TET2: variants seen among roughly 807,000 people sequenced by gnomAD.
TET2 encodes the protein tet methylcytosine dioxygenase 2.
TET2 carries 299 observed loss-of-function variants against 142.9 expected under a neutral mutation model. The ratio of observed to expected loss-of-function variants is 2.09; its 90% CI spans 1.90 to 2.30. The LOEUF is 2.30. Among genes scored for constraint, TET2 ranks in the 30% most tolerant of loss-of-function variants. TET2 has a pLI of 0.00. For missense variants in TET2, 2,418 were observed against 2,378.0 expected (o/e 1.02, Z -0.35); for synonymous variants, 819 against 849.0 (o/e 0.96, Z 0.61).
At chr4:105,191,385 GT>G (rs1322329275) in intron 2 of TET2, among the ~76,000 whole-genome samples, 1 of 152,130 alleles carries the variant, frequency 6.6e-6, no homozygotes, top group African/African-American at 2.4e-5. Context: ...TGTCTAAAAT[GT>G]TTAAGATGAA....
In TET2 at chr4:105,278,203, T is replaced by TATATATATATATATATATA. The variant is rs1553918861; in HGVS notation, c.*1684_*1685insATATATATATATATATATA. ...ATATATATATATATATATATATATA[T>TATATATATATATATATATA]GAGTTTGAAGCAGAATTCACATCAT... On this transcript the variant is annotated 3_prime_UTR_variant, in exon 11 of 11. Transcript: ENST00000380013. 70 of 159,022 alleles carry TATATATATATATATATATA rather than the reference T, an allele frequency of 4.4e-4. 1 individual carries two copies. Among genetic ancestry groups the TATATATATATATATATATA allele is most frequent in the African/African-American group, 1.2e-3 (45 of 37,158 alleles). The allele number at this position is 159,022 out of a possible 1,614,324, so 9.9% of individuals were successfully genotyped here.
At position 105,202,475 on chromosome 4, in the gene TET2, T is replaced by C. The variant is rs1726543038; in HGVS notation, c.-47+11970T>C. 5 of 152,158 alleles carry C rather than the reference T, an allele frequency of 3.3e-5. No homozygotes were observed. The South Asian group carries it at 1.0e-3, about 31-fold the overall frequency. 9.4% of individuals were successfully genotyped at this position (152,158 alleles called of 1,614,324 possible). A position where few individuals can be genotyped will look rare whatever the true frequency, so the allele number is the denominator to read the frequency against. On this transcript the variant is annotated intron_variant, in intron 2 of 10. Coordinates refer to ENST00000380013, the MANE Select transcript of TET2 (RefSeq NM_001127208.3). ...CGCTTCCCACTACTACATACTACCC[T>C]AAAAAATCTGTAATTCGCAAATTTA...
At chr4:105,159,461 G>C (rs978373214) in intron 1 of TET2, among the ~76,000 whole-genome samples, 1 of 151,928 alleles carries the variant, frequency 6.6e-6, no homozygotes, top group African/African-American at 2.4e-5. Context: ...CTCCATGTTG[G>C]TCAGCCTGGT....
At chr4:105,270,199 T>C (rs1730884522) in intron 9 of TET2, among the ~76,000 whole-genome samples, 1 of 152,196 alleles carries the variant, frequency 6.6e-6, no homozygotes, top group African/African-American at 2.4e-5. Context: ...AGTAATATGT[T>C]GTCTGCAGGT....
Position 105,235,542 on chromosome 4 carries a change from A to T in TET2, c.1600A>T (p.Arg534Ter), listed in dbSNP as rs1560543693. 3 of 1,614,178 alleles carry T rather than the reference A, an allele frequency of 1.9e-6. No individual in the cohort carries two copies. Among genetic ancestry groups the T allele is most frequent in the Non-Finnish European group, 2.5e-6 (3 of 1,180,016 alleles). The change falls in exon 3 of 11, where the codon AGA becomes TGA. Residue 534 changes from arginine to a stop codon, truncating the protein, a stop_gained. Transcript: ENST00000380013. LOFTEE classifies it high-confidence loss of function. The part of the protein sequence containing the change: ...ELQDNCQQLM[R>*]NKEQEILKGR... ...ACAGGACAACTGCCAGCAGTTGATGAGAAACAAAGAGCAAGAGATTCTGAA... is the reference window on the plus strand; with the variant it reads ...ACAGGACAACTGCCAGCAGTTGATGTGAAACAAAGAGCAAGAGATTCTGAA...
Position 105,277,458 on chromosome 4 carries a change from A to C in TET2, c.*939A>C, listed in dbSNP as rs543316109. 4.4e-6 allele frequency: 1 copy of C among 226,142 alleles called. No homozygotes were observed. Among genetic ancestry groups the C allele is most frequent in the African/African-American group, 2.2e-5 (1 of 45,106 alleles). 14.0% of individuals were successfully genotyped at this position (226,142 alleles called of 1,614,324 possible). On this transcript the variant is annotated 3_prime_UTR_variant, in exon 11 of 11. Coordinates refer to ENST00000380013, the MANE Select transcript of TET2 (RefSeq NM_001127208.3). ...AAGCTTTGACAACTTGAACAATGCT[A>C]AGGTACTGAGATGTTTAAAAAACAA...
Position 105,235,174 on chromosome 4 carries a change from C to T in TET2, c.1232C>T (p.Pro411Leu). Residue 411 changes from proline to leucine, a missense_variant, in exon 3 of 11, where the codon CCT (proline) becomes CTT (leucine). By Grantham distance (98) the Pro-to-Leu change is moderately conservative. Coordinates refer to ENST00000380013, the MANE Select transcript of TET2 (RefSeq NM_001127208.3). ...PSQLLLSPPPPLPQVPQLPSE... is the reference protein window; with the variant it reads ...PSQLLLSPPPLLPQVPQLPSE... ...CAATTGCTTCTTTCTCCCCCTCCTC[C>T]TCTTCCACAGGTTCCTCAGCTTCCT... 1.9e-6 allele frequency: 3 copies of T among 1,614,056 alleles called. No homozygotes were observed. The highest frequency in any genetic ancestry group is 2.5e-6 in the Non-Finnish European group (3 of 1,179,968).
intron 2 of TET2, among the ~76,000 whole-genome samples, chr4:105,225,697 T>G (rs1446748085): frequency 6.6e-6 from 1 of 152,154 alleles, no homozygotes; most frequent in Non-Finnish European, 1.5e-5. Flanking sequence ...GATGTTTGCA[T>G]CTTTGTGTTA....
At chr4:105,239,153 G>A (rs1729144378) in intron 3 of TET2, 1 of 226,656 alleles carries the variant, frequency 4.4e-6, no homozygotes, top group African/African-American at 2.3e-5. Flanking sequence ...AAAAAGATGT[G>A]TTATCATCCA....
At chr4:105,265,094 A>G (rs966572459) in intron 8 of TET2, among the ~76,000 whole-genome samples, 3 of 152,202 alleles carry the variant, frequency 2.0e-5, no homozygotes, top group African/African-American at 7.2e-5. Flanking sequence ...TAGACCTGAA[A>G]TAGCAGGTGT....
intron 8 of TET2, among the ~76,000 whole-genome samples, chr4:105,262,408 G>A (rs905030555): frequency 1.3e-5 from 2 of 151,808 alleles, no homozygotes; most frequent in African/African-American, 4.8e-5. Flanking sequence ...ACTATAGCTA[G>A]TTAAGACAGG....
chr4:105,261,694 T>C (rs2110288238), intron 7 of TET2, 65 bp from the exon 8 acceptor site: 1 of 942,920 alleles, frequency 1.1e-6, no homozygotes, highest in Non-Finnish European at 1.6e-6. Context: ...ATCTAACTGA[T>C]AGTCTCTTTT....
intron 2 of TET2, among the ~76,000 whole-genome samples, chr4:105,225,362 T>G (rs1309476121): frequency 6.6e-6 from 1 of 152,094 alleles, no homozygotes; most frequent in African/African-American, 2.4e-5. Context: ...TTTTTTGAAA[T>G]TGCGCTCTAT....
rs1730853595 is a variant in TET2, at chr4:105,269,647, G to A, written c.4082G>A (p.Gly1361Asp). The change falls in exon 9 of 11, where the codon GGT becomes GAT. Residue 1361 changes from glycine to aspartate, a missense_variant. Coordinates refer to ENST00000380013, the MANE Select transcript of TET2 (RefSeq NM_001127208.3). ...YEHRAPECRL[G>D]LKEGRPFSGV... ...CACAGAGCACCAGAGTGCCGTCTGG[G>A]TCTGAAGGAAGGCCGTCCATTCTCA... The A allele has an allele frequency of 2.6e-6, 4 of 1,551,554 alleles. No individual in the cohort carries two copies. The highest frequency in any genetic ancestry group is 3.5e-6 in the Non-Finnish European group (4 of 1,146,934).
At chr4:105,177,309 C>T (rs1724856259) in intron 1 of TET2, among the ~76,000 whole-genome samples, 1 of 152,150 alleles carries the variant, frequency 6.6e-6, no homozygotes. Context: ...AACTTCTGCT[C>T]TGTGAAAGAC....
rs1729413208 is a variant in TET2 at position 105,243,482 on chromosome 4, A to C, written c.3595-88A>C. On this transcript the variant is annotated intron_variant, in intron 5 of 10. Coordinates refer to ENST00000380013, the MANE Select transcript of TET2 (RefSeq NM_001127208.3). Reference sequence around the variant, plus strand: ...GATCTAAACATGATAAAATATACATACATAAGTGCCCTTATCTGCTGCAAG... The same window carrying C: ...GATCTAAACATGATAAAATATACATCCATAAGTGCCCTTATCTGCTGCAAG... 3 of 1,142,184 alleles carry C rather than the reference A, an allele frequency of 2.6e-6. No homozygotes were observed. The South Asian group carries it at 4.0e-5, about 15-fold the overall frequency. The allele number at this position is 1,142,184 out of a possible 1,614,324, so 70.8% of individuals were successfully genotyped here. A position where few individuals can be genotyped will look rare whatever the true frequency, so the allele number is the denominator to read the frequency against.
At chr4:105,266,723 CTG>C (rs1730696689) in intron 8 of TET2, among the ~76,000 whole-genome samples, 1 of 151,574 alleles carries the variant, frequency 6.6e-6, no homozygotes, top group Non-Finnish European at 1.5e-5. Flanking sequence ...AAAGAAAAAA[CTG>C]AAAAAAATGA....
intron 2 of TET2, among the ~76,000 whole-genome samples, chr4:105,228,932 A>G (rs986131634): frequency 6.6e-6 from 1 of 152,154 alleles, no homozygotes; most frequent in African/African-American, 2.4e-5. Context: ...TGTCTCACCC[A>G]AATTTTCTAC....
In TET2 at chr4:105,272,863, A is replaced by G; in HGVS notation, c.4482A>G (p.Ser1494=). Residue 1494 remains serine, a synonymous_variant, in exon 10 of 11, where the codon TCA becomes TCG. Coordinates refer to ENST00000380013, the MANE Select transcript of TET2 (RefSeq NM_001127208.3). ...NSSNKNEKEK[S]APSRTKQTEN... The stretch of plus-strand genomic sequence containing the variant: ...CAAATAAAAATGAAAAGGAAAAGTC[A>G]GCCCCATCACGTACAAAACAAACTG... The G allele has an allele frequency of 6.4e-7, 1 of 1,550,682 alleles. No individual in the cohort carries two copies. The highest frequency in any genetic ancestry group is 8.7e-7 in the Non-Finnish European group (1 of 1,146,794).
Sources: allele counts gnomAD v4.1 joint callset (sites outside exome capture counted in the v4.1 genomes callset), GRCh38; gene constraint gnomAD v4.1.1; transcripts MANE v1.5; gene names NCBI Gene and HGNC (gene_info 2026-07-23, HGNC 2026-07-21).